The following MCC variants were observed in gnomAD, a reference collection of about 807,000 sequenced individuals.
MCC encodes colorectal mutant cancer protein.
Under a neutral mutation model 116.2 loss-of-function variants are expected in MCC, and 90 were observed. That is an observed-to-expected ratio of 0.77 (90% CI 0.65 to 0.92). The LOEUF (loss-of-function observed/expected upper bound fraction) is 0.92, where lower values mean the gene tolerates loss of function less well. MCC is among the 40% of genes least tolerant of loss of function. The probability of loss-of-function intolerance (pLI) is 0.00; values close to 1 mark genes in which losing one functional copy is unlikely to be tolerated. For missense variants in MCC, 1,516 were observed against 1,312.2 expected, an observed-to-expected ratio of 1.16 and a Z score of -2.40; for synonymous variants, 578 against 510.5, an observed-to-expected ratio of 1.13 and a Z score of -1.78.
In MCC at chr5:113,128,677, C is replaced by G. The variant is rs1037766053; in HGVS notation, c.885-5851G>C. Among the ~76,000 whole-genome samples the G allele has an allele frequency of 2.0e-5, 3 of 152,090 alleles. No homozygotes were observed. In the South Asian group the frequency reaches 6.2e-4, roughly 32 times the overall value. ...GTCTTAACAAGAGCTCATATAAGAT[C>G]CATATTCAAGAACTTCCAAATATTA... is the stretch of plus-strand genomic sequence containing the variant. On this transcript the variant is annotated intron_variant, in intron 5 of 18. Coordinates refer to ENST00000408903, the MANE Select transcript of MCC (RefSeq NM_001085377.2).
intron 3 of MCC, among the ~76,000 whole-genome samples, chr5:113,184,469 T>C (rs984447059): frequency 1.5e-3 from 214 of 142,852 alleles, no homozygotes; most frequent in Non-Finnish European, 2.6e-3. Context: ...AGTTTCTTTC[T>C]TCGTTTTTTG....
chr5:113,225,332 G>C (rs1005729385), intron 3 of MCC, among the ~76,000 whole-genome samples: 1 of 152,148 alleles, frequency 6.6e-6, no homozygotes, highest in Non-Finnish European at 1.5e-5. Context: ...AATCCACCCA[G>C]GCAGTCATCA....
At chr5:113,065,160 G>T (rs1374389930) in intron 13 of MCC, among the ~76,000 whole-genome samples, 1 of 152,154 alleles carries the variant, frequency 6.6e-6, no homozygotes, top group Non-Finnish European at 1.5e-5. Context: ...AGAATGTACA[G>T]CACCAAGAAT....
chr5:113,252,940 T>C (rs553690903), intron 3 of MCC, among the ~76,000 whole-genome samples: 7 of 152,204 alleles, frequency 4.6e-5, no homozygotes, highest in South Asian at 2.1e-4. Context: ...CTGGCGAACA[T>C]GGAGAGTGGG....
rs1165631163 is a variant in MCC at position 113,049,291 on chromosome 5, C to G, written c.2457G>C (p.Met819Ile). 3 of 1,592,698 alleles carry G rather than the reference C, an allele frequency of 1.9e-6. No individual in the cohort carries two copies. The highest frequency in any genetic ancestry group is 2.6e-6 in the Non-Finnish European group (3 of 1,168,720). Reference sequence around the variant, plus strand: ...GGTAGAGCTGGGCCTTCAACTCGGCCATCTCCTCCTACAGACAAAGGAGCA... The same window carrying G: ...GGTAGAGCTGGGCCTTCAACTCGGCGATCTCCTCCTACAGACAAAGGAGCA... Reference protein sequence around the residue: ...MQELMAMKEEMAELKAQLYLL... With the variant: ...MQELMAMKEEIAELKAQLYLL... The change falls in exon 16 of 19, where the codon ATG (methionine) becomes ATC (isoleucine). Residue 819 changes from methionine to isoleucine, a missense_variant. Transcript: ENST00000408903.
chr5:113,173,630 A>G (rs1761183913), intron 3 of MCC, among the ~76,000 whole-genome samples: 1 of 152,090 alleles, frequency 6.6e-6, no homozygotes. Context: ...TAACATGAGC[A>G]CTCCATTTAT....
At chr5:113,488,224 T>C in intron 1 of MCC, 21 bp downstream of exon 1, 1 of 1,579,928 alleles carries the variant, frequency 6.3e-7, no homozygotes, top group South Asian at 1.1e-5. Flanking sequence ...CCTGTCGGTT[T>C]CCTCGTACCT....
chr5:113,178,844 T>C (rs1478253896), intron 3 of MCC, among the ~76,000 whole-genome samples: 1 of 152,186 alleles, frequency 6.6e-6, no homozygotes, highest in Non-Finnish European at 1.5e-5. Flanking sequence ...TCTAAAGTCT[T>C]CCTGCAAACA....
At chr5:113,315,177 T>A (rs571400096) in intron 3 of MCC, among the ~76,000 whole-genome samples, 2 of 152,338 alleles carry the variant, frequency 1.3e-5, no homozygotes, top group East Asian at 3.9e-4. Flanking sequence ...GATGAGAAGA[T>A]GTTAAATATA....
intron 3 of MCC, among the ~76,000 whole-genome samples, chr5:113,187,060 A>G (rs1761929675): frequency 6.6e-6 from 1 of 152,210 alleles, no homozygotes; most frequent in Non-Finnish European, 1.5e-5. Context: ...GATACAGGAT[A>G]CTTTGAGGCT....
intron 3 of MCC, among the ~76,000 whole-genome samples, chr5:113,192,001 T>C (rs1762172424): frequency 6.6e-6 from 1 of 152,214 alleles, no homozygotes; most frequent in East Asian, 1.9e-4. Context: ...GATTTCTTTA[T>C]GACGTATGCA....
At chr5:113,096,579 A>C (rs1164443873) in intron 8 of MCC, among the ~76,000 whole-genome samples, 1 of 152,136 alleles carries the variant, frequency 6.6e-6, no homozygotes, top group African/African-American at 2.4e-5. Flanking sequence ...CATGTTCCTA[A>C]GCCCCTTTAT....
At chr5:113,477,528 C>T (rs1341469333) in intron 1 of MCC, among the ~76,000 whole-genome samples, 4 of 152,204 alleles carry the variant, frequency 2.6e-5, no homozygotes, top group African/African-American at 4.8e-5. Context: ...CCTACATTTA[C>T]ACCAACTTGC....
intron 1 of MCC, among the ~76,000 whole-genome samples, chr5:113,480,349 G>C (rs115074416): frequency 0.015 from 2,298 of 152,276 alleles, 34 homozygotes; most frequent in Non-Finnish European, 0.02. Context: ...AACAATGAAG[G>C]TGTTTATTCT....
rs370995388 is a variant in MCC, at chr5:113,032,576, A to G, written c.2757-3520T>C. On this transcript the variant is annotated intron_variant, in intron 17 of 18. Coordinates refer to ENST00000408903, the MANE Select transcript of MCC (RefSeq NM_001085377.2). ...GCCTTGCATTTGTGGATCATATTAT[A>G]TCACCAGTGGACAGTGCTGCTCTAG... Among the ~76,000 whole-genome samples, 6 of 152,244 alleles carry G rather than the reference A, an allele frequency of 3.9e-5. No individual in the cohort carries two copies. The South Asian group carries it at 8.3e-4, about 21-fold the overall frequency.
chr5:113,354,640 G>T (rs1768365260), intron 2 of MCC, among the ~76,000 whole-genome samples: 1 of 151,682 alleles, frequency 6.6e-6, no homozygotes, highest in Non-Finnish European at 1.5e-5. Flanking sequence ...TCACCATGTT[G>T]ACCAGGCTGG....
chr5:113,096,733 C>T (rs370751402), intron 8 of MCC, among the ~76,000 whole-genome samples: 6 of 152,276 alleles, frequency 3.9e-5, no homozygotes, highest in African/African-American at 9.6e-5. Context: ...GGATCAGAGA[C>T]GTGCACCTGT....
At chr5:113,059,064 C>T (rs764697975) in intron 14 of MCC, among the ~76,000 whole-genome samples, 3 of 151,980 alleles carry the variant, frequency 2.0e-5, no homozygotes, top group Non-Finnish European at 2.9e-5. Context: ...CCTTAGGGCC[C>T]GGAGCCTCAT....
Position 113,304,642 on chromosome 5 carries a change from T to A in MCC, c.627+35877A>T, listed in dbSNP as rs111332236. On this transcript the variant is annotated intron_variant, in intron 3 of 18. Coordinates refer to ENST00000408903, the MANE Select transcript of MCC (RefSeq NM_001085377.2). ...AACTTAGTATCTGTGTCATTGTCAATATTCAGAGTATCTTTCAAAAATTTT... is the reference window on the plus strand; with the variant it reads ...AACTTAGTATCTGTGTCATTGTCAAAATTCAGAGTATCTTTCAAAAATTTT... 1.3e-3 allele frequency among the ~76,000 whole-genome samples: 202 copies of A among 152,338 alleles called. 3 individuals are homozygous for A. The highest frequency in any genetic ancestry group is 4.2e-3 in the African/African-American group (174 of 41,588).
Sources: gnomAD v4.1 joint callset for allele counts (sites outside exome capture counted in the v4.1 genomes callset) on GRCh38, gnomAD v4.1.1 for gene constraint, MANE v1.5 for transcripts, NCBI Gene and HGNC (gene_info 2026-07-23, HGNC 2026-07-21) for gene names.